The following PRAG1 variants were observed in gnomAD, a reference collection of about 807,000 sequenced individuals.
PRAG1 encodes inactive tyrosine-protein kinase PRAG1.
PRAG1 carries 110 observed loss-of-function variants against 95.6 expected under a neutral mutation model. That is an observed-to-expected ratio of 1.15 (90% CI 0.99 to 1.35). PRAG1 has a LOEUF of 1.35. Ranked by LOEUF, PRAG1 falls within the 40% of genes most tolerant of loss-of-function variation. PRAG1 has a pLI of 0.00. For synonymous variants in PRAG1, 1,052 were observed against 819.4 expected (o/e 1.28, Z -4.85); for missense variants, 2,554 against 1,864.7 (o/e 1.37, Z -6.81).
At chr8:8,323,699 T>A (rs1798541338) in intron 5 of PRAG1, among the ~76,000 whole-genome samples, 1 of 152,120 alleles carries the variant, frequency 6.6e-6, no homozygotes, top group African/African-American at 2.4e-5. Context: ...CCTTTCACCA[T>A]GATTGTAAGT....
intron 3 of PRAG1, among the ~76,000 whole-genome samples, chr8:8,368,784 T>C (rs910330965): frequency 7.9e-5 from 12 of 152,102 alleles, no homozygotes; most frequent in African/African-American, 2.4e-4. Context: ...ATGGAAAAGC[T>C]ATTCTCAGAC....
chr8:8,335,305 C>G (rs896943393), intron 4 of PRAG1, among the ~76,000 whole-genome samples: 6 of 151,974 alleles, frequency 3.9e-5, no homozygotes, highest in Non-Finnish European at 7.4e-5. Context: ...GGATTTATAA[C>G]CAAATAATAT....
chr8:8,379,733 T>C (rs1203567173), intron 2 of PRAG1, among the ~76,000 whole-genome samples: 3 of 152,186 alleles, frequency 2.0e-5, no homozygotes, highest in African/African-American at 7.2e-5. Flanking sequence ...CATAGCTTCC[T>C]AAATGTGTCT....
intron 3 of PRAG1, among the ~76,000 whole-genome samples, chr8:8,342,842 G>A (rs1342966489): frequency 6.6e-6 from 1 of 152,008 alleles, no homozygotes; most frequent in African/African-American, 2.4e-5. Context: ...TGAACTTGGG[G>A]TAGGAAATAA....
At chr8:8,356,337 A>G (rs1212641428) in intron 3 of PRAG1, among the ~76,000 whole-genome samples, 1 of 152,098 alleles carries the variant, frequency 6.6e-6, no homozygotes, top group African/African-American at 2.4e-5. Context: ...ATCATTATGA[A>G]AACTATAGAG....
chr8:8,328,373 G>A lies in PRAG1; in HGVS notation c.2409C>T (p.Asp803=), dbSNP rs201882445. 2,679 of 1,613,070 alleles carry A rather than the reference G, an allele frequency of 1.7e-3. 42 individuals carry two copies. The South Asian group carries it at 0.02, about 12-fold the overall frequency. The part of the protein sequence containing the change: ...PVPFPSGSTE[D]VSPSGPQQPP... The stretch of plus-strand genomic sequence containing the variant: ...GCTGCTGGGGGCCACTGGGGGACAC[G>A]TCCTCAGTGGAGCCTGAAGGAAACG... Residue 803 remains aspartate, a synonymous_variant, in exon 5 of 6, where the codon GAC becomes GAT. Transcript: ENST00000615670.
At position 8,318,247 on chromosome 8, in the gene PRAG1, G is replaced by A; in HGVS notation, c.4128C>T (p.Gly1376=). The stretch of plus-strand genomic sequence containing the variant: ...AGCAAAGCCAGTCCTCCAGCTCCAC[G>A]CCCCGCCTGCGATCCACCGCCTTCT... ...FAEKAVDRRR[G]VELEDWLCCQ... The change falls in exon 6 of 6, where the codon GGC becomes GGT. Residue 1376 remains glycine, a synonymous_variant. Coordinates refer to ENST00000615670, the MANE Select transcript of PRAG1 (RefSeq NM_001080826.3). This position sits in a 1 kb window ranked among gnomAD's most constrained non-coding sequence, Gnocchi z 4.2. 1.2e-6 allele frequency: 2 copies of A among 1,614,152 alleles called. No homozygotes were observed. Among genetic ancestry groups the A allele is most frequent in the Non-Finnish European group, 1.7e-6 (2 of 1,180,008 alleles).
chr8:8,331,560 G>T (rs1160772309), intron 4 of PRAG1, among the ~76,000 whole-genome samples: 1 of 152,112 alleles, frequency 6.6e-6, no homozygotes, highest in African/African-American at 2.4e-5. Context: ...TGTTATCTCG[G>T]TTCAATTGTT....
chr8:8,336,511 T>G (rs1585231588), intron 4 of PRAG1, among the ~76,000 whole-genome samples: 1 of 152,180 alleles, frequency 6.6e-6, no homozygotes, highest in Non-Finnish European at 1.5e-5. Context: ...TTCAATTGAA[T>G]TGGACAAATG....
chr8:8,346,631 C>T (rs952284763), intron 3 of PRAG1, among the ~76,000 whole-genome samples: 1 of 152,218 alleles, frequency 6.6e-6, no homozygotes, highest in Non-Finnish European at 1.5e-5. Flanking sequence ...GAACAAGCCT[C>T]ATCTAAAAAT....
At position 8,376,607 on chromosome 8, in the gene PRAG1, G is replaced by A; in HGVS notation, c.1802C>T (p.Thr601Ile). 1.9e-6 allele frequency: 3 copies of A among 1,603,868 alleles called. No individual in the cohort carries two copies. Among genetic ancestry groups the A allele is most frequent in the Non-Finnish European group, 2.6e-6 (3 of 1,174,102 alleles). ...GPADPAPSCR[T>I]NGVAISDPSR... ...TGGGTCACTGATAGCGACACCGTTGGTCCGGCAGGAAGGAGCGGGGTCAGC... is the reference window on the plus strand; with the variant it reads ...TGGGTCACTGATAGCGACACCGTTGATCCGGCAGGAAGGAGCGGGGTCAGC... The change falls in exon 3 of 6, where the codon ACC becomes ATC. Residue 601 changes from threonine to isoleucine, a missense_variant. Physicochemically the swap from Thr to Ile is moderately conservative, Grantham distance 89. Coordinates refer to ENST00000615670, the MANE Select transcript of PRAG1 (RefSeq NM_001080826.3).
At chr8:8,367,756 C>T (rs1035823088) in intron 3 of PRAG1, among the ~76,000 whole-genome samples, 37 of 152,118 alleles carry the variant, frequency 2.4e-4, no homozygotes, top group African/African-American at 8.4e-4. Context: ...ATTCTCCTGC[C>T]TCAGCCTCCC....
At chr8:8,349,365 C>G (rs187107063) in intron 3 of PRAG1, among the ~76,000 whole-genome samples, 1 of 152,108 alleles carries the variant, frequency 6.6e-6, no homozygotes, top group African/African-American at 2.4e-5. Flanking sequence ...ACTGCAAGAT[C>G]TGCCTCCCGG....
At chr8:8,321,115 T>C (rs1279510514) in intron 5 of PRAG1, among the ~76,000 whole-genome samples, 7 of 152,238 alleles carry the variant, frequency 4.6e-5, no homozygotes, top group African/African-American at 1.2e-4. Flanking sequence ...TTTTATTTTT[T>C]ACTTTTTGAG....
intron 3 of PRAG1, among the ~76,000 whole-genome samples, chr8:8,367,260 A>T (rs1349980347): frequency 6.6e-6 from 1 of 151,800 alleles, no homozygotes; most frequent in Non-Finnish European, 1.5e-5. Flanking sequence ...GGAGTTCAAG[A>T]CCAGTCTGGC....
intron 3 of PRAG1, among the ~76,000 whole-genome samples, chr8:8,356,983 A>G (rs1585253926): frequency 1.3e-5 from 2 of 152,212 alleles, no homozygotes; most frequent in African/African-American, 4.8e-5. Context: ...ATCCACATGC[A>G]AAAAAATGAA....
chr8:8,380,629 G>T (rs1315900548), intron 2 of PRAG1, among the ~76,000 whole-genome samples: 1 of 151,994 alleles, frequency 6.6e-6, no homozygotes, highest in African/African-American at 2.4e-5. Flanking sequence ...GCCGAGGTGG[G>T]CAGATCACAA....
chr8:8,344,061 C>T (rs1219511903), intron 3 of PRAG1, among the ~76,000 whole-genome samples: 1 of 151,632 alleles, frequency 6.6e-6, no homozygotes, highest in East Asian at 1.9e-4. Flanking sequence ...CATCCTAAGT[C>T]CTTAAAATGT....
At chr8:8,356,959 T>C (rs1488219015) in intron 3 of PRAG1, among the ~76,000 whole-genome samples, 1 of 152,226 alleles carries the variant, frequency 6.6e-6, no homozygotes. Context: ...CGAATGGTGC[T>C]GGTAAAAGTG....
Sources: gnomAD v4.1 joint callset for allele counts (sites outside exome capture counted in the v4.1 genomes callset) on GRCh38, gnomAD v4.1.1 for gene constraint, Gnocchi (gnomAD v3.1) non-coding constraint, MANE v1.5 for transcripts, NCBI Gene and HGNC (gene_info 2026-07-23, HGNC 2026-07-21) for gene names.